Variants in SVOP observed in about 807,000 individuals in gnomAD.
SVOP encodes SV2 related protein, also known as synaptic vesicle 2-related protein.
In SVOP, 17 loss-of-function variants were observed where a neutral mutation model predicts 69.1. That is an observed-to-expected ratio of 0.25 (90% CI 0.17 to 0.37). The LOEUF (loss-of-function observed/expected upper bound fraction) is 0.37, where lower values mean the gene tolerates loss of function less well. Ranked by LOEUF, SVOP falls within the 10% of genes least tolerant of loss-of-function variation. The pLI is 1.00. For missense variants in SVOP, 435 were observed against 597.5 expected (o/e 0.73, Z 2.84); for synonymous variants, 238 against 238.6 (o/e 1.00, Z 0.02).
chr12:108,919,869 C>T (rs1054867539), intron 12 of SVOP, 83 bp from the exon 13 acceptor site: 22 of 933,302 alleles, frequency 2.4e-5, no homozygotes, highest in Non-Finnish European at 3.7e-5. Flanking sequence ...CTGTATCATC[C>T]CCTCCCCTGG....
At chr12:108,923,020 C>G (rs1272533828) in intron 11 of SVOP, among the ~76,000 whole-genome samples, 1 of 152,158 alleles carries the variant, frequency 6.6e-6, no homozygotes, top group Non-Finnish European at 1.5e-5. Flanking sequence ...AATAAAAGCA[C>G]CATGTAAAGG....
chr12:108,940,053 CTTTA>C (rs2039881872), intron 8 of SVOP, among the ~76,000 whole-genome samples: 2 of 152,122 alleles, frequency 1.3e-5, no homozygotes, highest in Admixed American at 1.3e-4. Flanking sequence ...AACTTGTGGG[CTTTA>C]TTTGTTTCAG....
intron 6 of SVOP, among the ~76,000 whole-genome samples, chr12:108,945,658 A>AAT (rs1593186275): frequency 1.3e-5 from 2 of 152,168 alleles, no homozygotes; most frequent in East Asian, 3.8e-4. Flanking sequence ...AAGCACTGGG[A>AAT]ATACAGATGT....
chr12:108,960,962 C>G lies in SVOP; in HGVS notation c.539G>C (p.Arg180Pro), dbSNP rs2040014586. 6.5e-7 allele frequency: 1 copy of G among 1,536,944 alleles called. No homozygotes were observed. Residue 180 changes from arginine to proline, a missense_variant, in exon 6 of 16, where the codon CGG becomes CCG. Transcript: ENST00000610966. ...APVYSWILVL[R>P]GLVGFGIGGV... ...TCCGATCCCGAAGCCCACCAGGCCC[C>G]GGAGCACCAGGATCCAGCTATACAC...
intron 4 of SVOP, among the ~76,000 whole-genome samples, chr12:108,973,755 T>C (rs2040092089): frequency 6.6e-6 from 1 of 152,156 alleles, no homozygotes; most frequent in Non-Finnish European, 1.5e-5. Flanking sequence ...CTACAGATTC[T>C]TTCTCAAGAA....
At chr12:108,987,660 C>T (rs1354721156) in intron 1 of SVOP, among the ~76,000 whole-genome samples, 2 of 152,098 alleles carry the variant, frequency 1.3e-5, no homozygotes, top group Non-Finnish European at 2.9e-5. Context: ...GATGGTATCT[C>T]ATTGTGATTT....
chr12:108,990,106 G>C (rs1340269315), intron 1 of SVOP, among the ~76,000 whole-genome samples: 1 of 152,134 alleles, frequency 6.6e-6, no homozygotes, highest in Admixed American at 6.6e-5. Flanking sequence ...CTAATCACTG[G>C]GCGTCAGGTC....
At chr12:108,959,518 A>C (rs2040005240) in intron 6 of SVOP, among the ~76,000 whole-genome samples, 1 of 151,748 alleles carries the variant, frequency 6.6e-6, no homozygotes, top group African/African-American at 2.4e-5. Flanking sequence ...CAAGCCCGGA[A>C]AATTTTTGTA....
intron 2 of SVOP, among the ~76,000 whole-genome samples, chr12:108,982,630 TATC>T (rs1205302571): frequency 3.4e-5 from 5 of 146,870 alleles, no homozygotes; most frequent in East Asian, 4.2e-4. Context: ...TCTTCATCAC[TATC>T]ATCATCATCA....
At chr12:108,914,517 C>T (rs972989383) in intron 15 of SVOP, among the ~76,000 whole-genome samples, 17 of 152,180 alleles carry the variant, frequency 1.1e-4, no homozygotes, top group African/African-American at 3.9e-4. Flanking sequence ...AAAGCAGGAA[C>T]TGGCATATTT....
intron 4 of SVOP, among the ~76,000 whole-genome samples, chr12:108,976,621 T>C (rs1270227208): frequency 6.6e-6 from 1 of 151,924 alleles, no homozygotes; most frequent in Non-Finnish European, 1.5e-5. Flanking sequence ...TCTCTTTTTT[T>C]TTTTTTTAAT....
chr12:109,011,829 G>A (rs181447673), intron 1 of SVOP, among the ~76,000 whole-genome samples: 40 of 152,304 alleles, frequency 2.6e-4, no homozygotes, highest in Admixed American at 1.0e-3. Flanking sequence ...AGGACATTGT[G>A]TTAAGTGAAA....
intron 1 of SVOP, among the ~76,000 whole-genome samples, chr12:108,986,186 G>A (rs1279948581): frequency 1.3e-5 from 2 of 152,090 alleles, no homozygotes; most frequent in Admixed American, 6.5e-5. Flanking sequence ...CTGTGCACTC[G>A]ATCTGCATAG....
intron 5 of SVOP, among the ~76,000 whole-genome samples, chr12:108,968,189 A>G (rs1020466443): frequency 2.6e-5 from 4 of 152,228 alleles, no homozygotes; most frequent in African/African-American, 9.6e-5. Context: ...CTCATCCACC[A>G]CAGCTCAGTC....
intron 5 of SVOP, among the ~76,000 whole-genome samples, chr12:108,970,373 A>C (rs550201198): frequency 5.9e-5 from 9 of 152,362 alleles, no homozygotes; most frequent in Admixed American, 4.6e-4. Context: ...GAGTGATAAT[A>C]GCACCTACTT....
At chr12:108,999,110 G>A (rs2040253440) in intron 1 of SVOP, among the ~76,000 whole-genome samples, 1 of 126,602 alleles carries the variant, frequency 7.9e-6, no homozygotes, top group Non-Finnish European at 1.7e-5. Flanking sequence ...TAAAAGGATG[G>A]AGGAAGATCT....
chr12:108,979,889 C>T (rs1395398948), intron 2 of SVOP, among the ~76,000 whole-genome samples: 4 of 152,148 alleles, frequency 2.6e-5, no homozygotes, highest in Non-Finnish European at 4.4e-5. Context: ...TACTAAAAGA[C>T]GGCCGGATGC....
chr12:108,991,782 A>ACC (rs1241142358), intron 1 of SVOP, among the ~76,000 whole-genome samples: 2 of 25,062 alleles, frequency 8.0e-5, no homozygotes, highest in Admixed American at 3.8e-4. Flanking sequence ...TACAAAAAAA[A>ACC]ACAAAAAAAA....
intron 1 of SVOP, among the ~76,000 whole-genome samples, chr12:108,990,294 T>G (rs1405274944): frequency 6.6e-6 from 1 of 152,152 alleles, no homozygotes; most frequent in Non-Finnish European, 1.5e-5. Flanking sequence ...TTTTTATGGC[T>G]GCATAGTATT....
Sources: gnomAD v4.1 joint callset for allele counts (sites outside exome capture counted in the v4.1 genomes callset) on GRCh38, gnomAD v4.1.1 for gene constraint, MANE v1.5 for transcripts, NCBI Gene and HGNC (gene_info 2026-07-23, HGNC 2026-07-21) for gene names.